NPEPPS: variants seen among roughly 807,000 people sequenced by gnomAD.
NPEPPS encodes aminopeptidase puromycin sensitive, also known as puromycin-sensitive aminopeptidase.
NPEPPS carries 14 observed loss-of-function variants against 115.5 expected under a neutral mutation model. That is an observed-to-expected ratio of 0.12 (90% confidence interval 0.08 to 0.19). The LOEUF is 0.19. Ranked by LOEUF, NPEPPS falls within the 10% of genes least tolerant of loss-of-function variation. NPEPPS has a pLI of 1.00. For synonymous variants in NPEPPS, 285 were observed against 390.6 expected, an observed-to-expected ratio of 0.73 and a Z score of 3.19; for missense variants, 523 against 1,110.8, an observed-to-expected ratio of 0.47 and a Z score of 7.52.
At chr17:47,537,657 C>T (rs1029858638) in intron 1 of NPEPPS, among the ~76,000 whole-genome samples, 3 of 151,288 alleles carry the variant, frequency 2.0e-5, no homozygotes, top group Admixed American at 6.6e-5. Flanking sequence ...GCTGAGATCA[C>T]GCCATTGCAC....
chr17:47,573,669 A>G (rs1138190), intron 3 of NPEPPS, among the ~76,000 whole-genome samples: 1 of 152,206 alleles, frequency 6.6e-6, no homozygotes, highest in Non-Finnish European at 1.5e-5. Flanking sequence ...GCAGTGAGCC[A>G]TGATTGTACC....
At chr17:47,610,845 C>CTTTTTT (rs59893483) in intron 17 of NPEPPS, among the ~76,000 whole-genome samples, 2 of 100,120 alleles carry the variant, frequency 2.0e-5, no homozygotes, top group Non-Finnish European at 3.9e-5. Flanking sequence ...TATGATGACT[C>CTTTTTT]TTTTTTTTTT....
At chr17:47,552,740 C>A (rs1161741915) in intron 2 of NPEPPS, among the ~76,000 whole-genome samples, 1 of 152,086 alleles carries the variant, frequency 6.6e-6, no homozygotes, top group Non-Finnish European at 1.5e-5. Flanking sequence ...TTCTTTTTAA[C>A]CTCCAGTTCA....
intron 1 of NPEPPS, among the ~76,000 whole-genome samples, chr17:47,523,347 C>T (rs1266026334): frequency 6.7e-6 from 1 of 148,960 alleles, no homozygotes; most frequent in Non-Finnish European, 1.5e-5. Flanking sequence ...TACATTTGCT[C>T]TCTATAATTT....
chr17:47,537,426 G>T (rs1000349398), intron 1 of NPEPPS, among the ~76,000 whole-genome samples: 1 of 152,158 alleles, frequency 6.6e-6, no homozygotes, highest in Admixed American at 6.6e-5. Flanking sequence ...GGGTGTGGTG[G>T]CTCACGCCTG....
At chr17:47,572,288 G>A (rs1911247095) in intron 3 of NPEPPS, among the ~76,000 whole-genome samples, 1 of 152,080 alleles carries the variant, frequency 6.6e-6, no homozygotes, top group African/African-American at 2.4e-5. Context: ...CTGTATGATG[G>A]TGGTATACTT....
At chr17:47,552,769 G>T (rs917742884) in intron 2 of NPEPPS, among the ~76,000 whole-genome samples, 2 of 152,130 alleles carry the variant, frequency 1.3e-5, no homozygotes, top group African/African-American at 4.8e-5. Context: ...GCCTAACCAA[G>T]TGAAACATTT....
At chr17:47,569,760 G>C (rs1423361011) in intron 3 of NPEPPS, among the ~76,000 whole-genome samples, 1 of 152,108 alleles carries the variant, frequency 6.6e-6, no homozygotes, top group Non-Finnish European at 1.5e-5. Flanking sequence ...TGGGATTACA[G>C]GTGCCTACCA....
In NPEPPS at chr17:47,623,176, T is replaced by A; in HGVS notation, c.*1256T>A. 5.3e-6 allele frequency: 1 copy of A among 187,564 alleles called. No homozygotes were observed. The highest frequency in any genetic ancestry group is 8.3e-5 in the South Asian group (1 of 12,120). The allele number at this position is 187,564 out of a possible 1,614,324, so 11.6% of individuals were successfully genotyped here. A position where few individuals can be genotyped will look rare whatever the true frequency, so the allele number is the denominator to read the frequency against. Reference sequence around the variant, plus strand: ...GGCTTAACGGTATTTCAGAAGGTCATCAGATTGTGAGACTGCTTCCTTGAA... The same window carrying A: ...GGCTTAACGGTATTTCAGAAGGTCAACAGATTGTGAGACTGCTTCCTTGAA... On this transcript the variant is annotated 3_prime_UTR_variant, in exon 23 of 23. Transcript: ENST00000322157.
intron 2 of NPEPPS, among the ~76,000 whole-genome samples, chr17:47,563,362 A>T (rs1450834149): frequency 6.6e-6 from 1 of 152,074 alleles, no homozygotes; most frequent in Non-Finnish European, 1.5e-5. Flanking sequence ...CTATGTTTAT[A>T]ATCAAATTTT....
Position 47,542,246 on chromosome 17 carries a change from A to T in NPEPPS, c.256-3663A>T, listed in dbSNP as rs192802070. 2.2e-3 allele frequency among the ~76,000 whole-genome samples: 338 copies of T among 151,980 alleles called. 3 individuals carry two copies. Among genetic ancestry groups the T allele is most frequent in the Non-Finnish European group, 2.1e-3 (140 of 67,940 alleles). On this transcript the variant is annotated intron_variant, in intron 1 of 22. Transcript: ENST00000322157. ...TGAAATCTGAATTTGTAGCTTTTTTAAAAAAAATTGGAAGATCAGGCCAGG... is the reference window on the plus strand; with the variant it reads ...TGAAATCTGAATTTGTAGCTTTTTTTAAAAAAATTGGAAGATCAGGCCAGG...
chr17:47,550,329 G>GT (rs1198481590), intron 2 of NPEPPS, among the ~76,000 whole-genome samples: 3,514 of 95,764 alleles, frequency 0.037, 139 homozygotes, highest in East Asian at 0.22. Context: ...GCATGTGTGT[G>GT]TTTTTTTTTT....
chr17:47,545,731 T>G (rs1447379194), intron 1 of NPEPPS, among the ~76,000 whole-genome samples, 178 bp from the exon 2 acceptor site: 1 of 151,990 alleles, frequency 6.6e-6, no homozygotes, highest in Non-Finnish European at 1.5e-5. Context: ...GTATTTTTTG[T>G]AGAGATGGGG....
rs772770115 is a variant in NPEPPS at position 47,587,213 on chromosome 17, T to C, written c.981-17T>C. 4.5e-6 allele frequency: 7 copies of C among 1,540,178 alleles called. No individual in the cohort carries two copies. In the South Asian group the frequency reaches 8.8e-5, roughly 19 times the overall value. ...TTATTGTTTAAATTTGTTTCTTTTT[T>C]TTTTTTTTAAACACAGGGAGACTGC... On this transcript the variant is annotated splice_polypyrimidine_tract_variant and intron_variant, in intron 8 of 22. Coordinates refer to ENST00000322157, the MANE Select transcript of NPEPPS (RefSeq NM_006310.4).
At chr17:47,563,446 A>G (rs1910579168) in intron 2 of NPEPPS, among the ~76,000 whole-genome samples, 1 of 152,252 alleles carries the variant, frequency 6.6e-6, no homozygotes. Context: ...TATAGATTTT[A>G]AAATGCTTAT....
chr17:47,548,067 T>G (rs1909360630), intron 2 of NPEPPS: 1 of 152,114 alleles, frequency 6.6e-6, no homozygotes, highest in Non-Finnish European at 1.5e-5. Flanking sequence ...ATTTACACAT[T>G]TGATCTTTTA....
intron 2 of NPEPPS, chr17:47,557,516 A>G (rs2143760293): frequency 6.7e-6 from 1 of 148,532 alleles, no homozygotes; most frequent in East Asian, 2.0e-4. Context: ...TACCCTTAAA[A>G]AAAAAACAAA....
At chr17:47,613,934 T>C (rs1048853648) in intron 19 of NPEPPS, among the ~76,000 whole-genome samples, 1 of 152,110 alleles carries the variant, frequency 6.6e-6, no homozygotes, top group Non-Finnish European at 1.5e-5. Flanking sequence ...ATCTTACTTT[T>C]CCCCGCCTTT....
At chr17:47,604,876 G>A (rs1308199310) in intron 16 of NPEPPS, among the ~76,000 whole-genome samples, 1 of 152,208 alleles carries the variant, frequency 6.6e-6, no homozygotes, top group Non-Finnish European at 1.5e-5. Flanking sequence ...GAGTAAAGGA[G>A]AGGCTTAAGT....
Sources: allele counts gnomAD v4.1 joint callset (sites outside exome capture counted in the v4.1 genomes callset), GRCh38; gene constraint gnomAD v4.1.1; transcripts MANE v1.5; gene names NCBI Gene and HGNC (gene_info 2026-07-23, HGNC 2026-07-21).